Variants in CCDC106 observed in about 807,000 individuals in gnomAD.
CCDC106 encodes the protein coiled-coil domain containing 106.
Under a neutral mutation model 24.7 loss-of-function variants are expected in CCDC106, and 17 were observed. The observed-to-expected ratio is 0.69, with a 90% CI of 0.47 to 1.03. CCDC106 has a LOEUF of 1.03. CCDC106 is among the 50% of genes least tolerant of loss of function. The probability of loss-of-function intolerance (pLI) is 0.00; values close to 1 mark genes in which losing one functional copy is unlikely to be tolerated. For missense variants in CCDC106, 337 were observed against 388.9 expected (o/e 0.87, Z 1.12); for synonymous variants, 211 against 161.3 (o/e 1.31, Z -2.34).
At chr19:55,649,994 C>T (rs1983134122) in intron 3 of CCDC106, among the ~76,000 whole-genome samples, 2 of 152,290 alleles carry the variant, frequency 1.3e-5, no homozygotes, top group Admixed American at 6.5e-5. Flanking sequence ...GGCCCCTGCT[C>T]CTCCTCCCGT....
Position 55,652,467 on chromosome 19 carries a change from G to A in CCDC106, c.564G>A (p.Lys188=). The A allele has an allele frequency of 6.2e-7, 1 of 1,609,534 alleles. No individual in the cohort carries two copies. The highest frequency in any genetic ancestry group is 8.5e-7 in the Non-Finnish European group (1 of 1,177,122). The change falls in exon 5 of 5, where the codon AAG becomes AAA. Residue 188 remains lysine, a synonymous_variant. Coordinates refer to ENST00000586790, the MANE Select transcript of CCDC106 (RefSeq NM_001370470.1). This position sits in a 1 kb window ranked among gnomAD's most constrained non-coding sequence, Gnocchi z 5.9. ...ACGGGGTCCTCTGCCGGTACAAGAAGATCCTGGGCACCTTCCAGAAGCTCA... is the reference window on the plus strand; with the variant it reads ...ACGGGGTCCTCTGCCGGTACAAGAAAATCCTGGGCACCTTCCAGAAGCTCA... ...DADGVLCRYK[K]ILGTFQKLKS...
intron 3 of CCDC106, 39 bp downstream of exon 3, chr19:55,649,623 C>T (rs930695142): frequency 3.2e-6 from 5 of 1,579,236 alleles, no homozygotes; most frequent in African/African-American, 2.7e-5. Context: ...CCTCCCTGTC[C>T]CGCTACTGGG....
rs2123657221 is a variant in CCDC106, at chr19:55,652,972, C to T, written c.*226C>T. Reference sequence around the variant, plus strand: ...TGCCCAGCCCTGTCCTCGCCGGGCCCCTTCCTCCTGGAAAACCAGGCAGGC... The same window carrying T: ...TGCCCAGCCCTGTCCTCGCCGGGCCTCTTCCTCCTGGAAAACCAGGCAGGC... On this transcript the variant is annotated 3_prime_UTR_variant, in exon 5 of 5. Coordinates refer to ENST00000586790, the MANE Select transcript of CCDC106 (RefSeq NM_001370470.1). The surrounding 1 kb of genome is among the most constrained non-coding windows in gnomAD (Gnocchi z 5.9). The T allele has an allele frequency of 1.1e-5, 6 of 527,722 alleles. No individual in the cohort carries two copies. Among genetic ancestry groups the T allele is most frequent in the East Asian group, 3.3e-5 (1 of 30,072 alleles). The allele number at this position is 527,722 out of a possible 1,614,324, so 32.7% of individuals were successfully genotyped here.
Position 55,652,770 on chromosome 19 carries a change from A to C in CCDC106, c.*24A>C. 1.3e-6 allele frequency: 2 copies of C among 1,576,422 alleles called. No individual in the cohort carries two copies. Among genetic ancestry groups the C allele is most frequent in the Non-Finnish European group, 8.6e-7 (1 of 1,159,190 alleles). ...GATCGCACCACGCCTCCGCGCCTCC[A>C]CCCGGGCCTTCCTCCCCCGTGGACC... On this transcript the variant is annotated 3_prime_UTR_variant, in exon 5 of 5. Coordinates refer to ENST00000586790, the MANE Select transcript of CCDC106 (RefSeq NM_001370470.1). The surrounding 1 kb of genome is among the most constrained non-coding windows in gnomAD (Gnocchi z 5.9).
In CCDC106 at chr19:55,652,114, G is replaced by A. The variant is rs1273356158; in HGVS notation, c.527-316G>A. Reference sequence around the variant, plus strand: ...AATAAGTGAATTCACCTGAGGCAGGGAGACGAGGGTGATGGCTCGGGGTGT... The same window carrying A: ...AATAAGTGAATTCACCTGAGGCAGGAAGACGAGGGTGATGGCTCGGGGTGT... On this transcript the variant is annotated intron_variant, in intron 4 of 4. Transcript: ENST00000586790. This position sits in a 1 kb window ranked among gnomAD's most constrained non-coding sequence, Gnocchi z 5.9. 2.0e-5 allele frequency among the ~76,000 whole-genome samples: 3 copies of A among 152,092 alleles called. No individual in the cohort carries two copies. The highest frequency in any genetic ancestry group is 4.4e-5 in the Non-Finnish European group (3 of 68,006).
Position 55,652,687 on chromosome 19 carries a change from G to C in CCDC106, c.784G>C (p.Val262Leu). Residue 262 changes from valine (V) to leucine (L), a missense_variant, in exon 5 of 5, where the codon GTG (valine) becomes CTG (leucine). Physicochemically the swap from Val to Leu is conservative, Grantham distance 32. Transcript: ENST00000586790. This position sits in a 1 kb window ranked among gnomAD's most constrained non-coding sequence, Gnocchi z 5.9. ...CCTGGACGACGAGACGCTCAAGAAG[G>C]TGCAGGCGCTCAAGAAGAGCAAGCT... ...LALDDETLKK[V>L]QALKKSKLLL... 2 of 1,612,968 alleles carry C rather than the reference G, an allele frequency of 1.2e-6. No individual in the cohort carries two copies. Among genetic ancestry groups the C allele is most frequent in the Non-Finnish European group, 1.7e-6 (2 of 1,179,904 alleles).
chr19:55,652,944 G>A lies in CCDC106; in HGVS notation c.*198G>A, dbSNP rs1983435076. The A allele has an allele frequency of 1.7e-6, 1 of 575,436 alleles. No homozygotes were observed. The highest frequency in any genetic ancestry group is 1.9e-5 in the African/African-American group (1 of 52,022). The allele number at this position is 575,436 out of a possible 1,614,324, so 35.6% of individuals were successfully genotyped here. A position where few individuals can be genotyped will look rare whatever the true frequency, so the allele number is the denominator to read the frequency against. On this transcript the variant is annotated 3_prime_UTR_variant, in exon 5 of 5. Coordinates refer to ENST00000586790, the MANE Select transcript of CCDC106 (RefSeq NM_001370470.1). The surrounding 1 kb of genome is among the most constrained non-coding windows in gnomAD (Gnocchi z 5.9). ...GAACGCCGGCACCCCCTTCCGCTTG[G>A]GCTGCCCAGCCCTGTCCTCGCCGGG...
intron 4 of CCDC106, 148 bp downstream of exon 4, chr19:55,651,643 G>A (rs750252805): frequency 1.6e-6 from 1 of 611,220 alleles, no homozygotes; most frequent in Non-Finnish European, 2.9e-6. Context: ...CTCCACGTGT[G>A]GTCCTGGGTT....
chr19:55,650,053 T>TCC (rs145611277), intron 3 of CCDC106, among the ~76,000 whole-genome samples: 1 of 151,690 alleles, frequency 6.6e-6, no homozygotes, highest in African/African-American at 2.4e-5. Flanking sequence ...CCTCCTCCTG[T>TCC]CCCCCCCTCC....
rs866840675 is a variant in CCDC106, at chr19:55,652,595, C to T, written c.692C>T (p.Ala231Val). The T allele has an allele frequency of 6.2e-7, 1 of 1,613,258 alleles. No homozygotes were observed. Among genetic ancestry groups the T allele is most frequent in the Non-Finnish European group, 8.5e-7 (1 of 1,179,896 alleles). Residue 231 changes from alanine (A) to valine (V), a missense_variant, in exon 5 of 5, where the codon GCC (alanine) becomes GTC (valine). Ala to Val is a moderately conservative substitution (Grantham distance 64, BLOSUM62 0). Around this residue, in one of 2 missense-constraint regions of CCDC106, gnomAD observed 103 missense variants for 152.4 expected, o/e 0.68. Coordinates refer to ENST00000586790, the MANE Select transcript of CCDC106 (RefSeq NM_001370470.1). This position sits in a 1 kb window ranked among gnomAD's most constrained non-coding sequence, Gnocchi z 5.9. ...ELLIVAPEKL[A>V]EVGEFDPSKE... The stretch of plus-strand genomic sequence containing the variant: ...CTCATTGTGGCCCCCGAGAAGCTGG[C>T]CGAGGTGGGCGAGTTCGACCCCTCC...
Position 55,649,451 on chromosome 19 carries a change from C to G in CCDC106, c.180C>G (p.Ser60Arg), listed in dbSNP as rs369352697. 1.2e-6 allele frequency: 2 copies of G among 1,614,090 alleles called. No individual in the cohort carries two copies. The highest frequency in any genetic ancestry group is 1.7e-6 in the Non-Finnish European group (2 of 1,179,980). ...CCTCCGCCCTGGCTCTGATGAACAG[C>G]GTCAAGACCCAGCTGCACATGGCTC... is the stretch of plus-strand genomic sequence containing the variant. ...AASSALALMN[S>R]VKTQLHMALE... Residue 60 changes from serine to arginine, a missense_variant, in exon 3 of 5, where the codon AGC becomes AGG. Physicochemically the swap from Ser to Arg is moderately radical, Grantham distance 110. This residue lies in a region of CCDC106 where 234 missense variants were observed against 236.5 expected (regional missense o/e 0.99). Coordinates refer to ENST00000586790, the MANE Select transcript of CCDC106 (RefSeq NM_001370470.1).
chr19:55,650,058 C>T (rs1983140170), intron 3 of CCDC106, among the ~76,000 whole-genome samples: 1 of 152,176 alleles, frequency 6.6e-6, no homozygotes, highest in African/African-American at 2.4e-5. Context: ...TCCTGTCCCC[C>T]CCTCCCCTCT....
Position 55,648,871 on chromosome 19 carries a change from G to A in CCDC106, c.-176G>A, listed in dbSNP as rs1432055712. Reference sequence around the variant, plus strand: ...CAGGCGCGTTTTGCCTCAGTCCTGGGGTCCAGGCTCCCTCCTCCCTCAGAC... The same window carrying A: ...CAGGCGCGTTTTGCCTCAGTCCTGGAGTCCAGGCTCCCTCCTCCCTCAGAC... On this transcript the variant is annotated 5_prime_UTR_variant, in exon 1 of 5. Transcript: ENST00000586790. The A allele has an allele frequency of 4.2e-6, 3 of 706,344 alleles. No homozygotes were observed. The highest frequency in any genetic ancestry group is 4.9e-5 in the East Asian group (2 of 40,536). 43.8% of individuals were successfully genotyped at this position (706,344 alleles called of 1,614,324 possible). A position where few individuals can be genotyped will look rare whatever the true frequency, so the allele number is the denominator to read the frequency against.
rs149619834 is a variant in CCDC106, at chr19:55,649,321, G to A, written c.136+12G>A. The A allele has an allele frequency of 1.9e-6, 3 of 1,612,760 alleles. No homozygotes were observed. Among genetic ancestry groups the A allele is most frequent in the Admixed American group, 1.7e-5 (1 of 60,024 alleles). On this transcript the variant is annotated intron_variant, in intron 2 of 4. Transcript: ENST00000586790. ...GAGAAACTTCGAGGGTGAGCTGAGG[G>A]GGTGTGGAGGGACTGGAGTCAGCTG...
rs148442107 is a variant in CCDC106, at chr19:55,651,488, G to A, written c.519G>A (p.Arg173=). 108 of 1,570,568 alleles carry A rather than the reference G, an allele frequency of 6.9e-5. 1 individual carries two copies. The African/African-American group carries it at 1.4e-3, about 20-fold the overall frequency. The change falls in exon 4 of 5, where the codon AGG becomes AGA. Residue 173 remains arginine (R), a synonymous_variant. Coordinates refer to ENST00000586790, the MANE Select transcript of CCDC106 (RefSeq NM_001370470.1). ...TTGGGAAGCCCAAGGCCCGGGAGAG[G>A]CAGCGAGGTGAGTGGGGTGCATGGG... is the stretch of plus-strand genomic sequence containing the variant. The part of the protein sequence containing the change: ...RRFGKPKARE[R]QRVKDADGVL...
Position 55,648,969 on chromosome 19 carries a change from G to A in CCDC106, c.-78G>A, listed in dbSNP as rs376125464. On this transcript the variant is annotated 5_prime_UTR_variant, in exon 1 of 5. Transcript: ENST00000586790. ...AGGATGGACCCTCCAGTCCATCTGC[G>A]TCTCTCCATTTGTGGCTGCCGTTTC... 1.5e-4 allele frequency: 215 copies of A among 1,416,246 alleles called. No individual in the cohort carries two copies. The African/African-American group carries it at 2.7e-3, about 18-fold the overall frequency. 87.7% of individuals were successfully genotyped at this position (1,416,246 alleles called of 1,614,324 possible).
chr19:55,649,065 C>A lies in CCDC106; in HGVS notation c.19C>A (p.Arg7=). MNDRSS[R]RRTMKDDETF... Reference sequence around the variant, plus strand: ...CCGCGCCATGAATGACCGGAGCAGTCGGAGGCGGACAAGTGAGGAAGCTGG... The same window carrying A: ...CCGCGCCATGAATGACCGGAGCAGTAGGAGGCGGACAAGTGAGGAAGCTGG... The change falls in exon 1 of 5, where the codon CGG becomes AGG. Residue 7 remains arginine (R), a synonymous_variant. Coordinates refer to ENST00000586790, the MANE Select transcript of CCDC106 (RefSeq NM_001370470.1). 1.2e-6 allele frequency: 2 copies of A among 1,613,800 alleles called. No homozygotes were observed. The highest frequency in any genetic ancestry group is 1.7e-5 in the Admixed American group (1 of 60,022).
At chr19:55,650,569 C>A (rs899770635) in intron 3 of CCDC106, among the ~76,000 whole-genome samples, 2 of 152,210 alleles carry the variant, frequency 1.3e-5, no homozygotes, top group Admixed American at 1.3e-4. Context: ...GGGCTATGGT[C>A]TTGTGGTGTC....
chr19:55,652,254 G>C lies in CCDC106; in HGVS notation c.527-176G>C, dbSNP rs1983349752. 6.6e-6 allele frequency among the ~76,000 whole-genome samples: 1 copy of C among 151,902 alleles called. No homozygotes were observed. The highest frequency in any genetic ancestry group is 1.5e-5 in the Non-Finnish European group (1 of 67,956). Reference sequence around the variant, plus strand: ...TCCCACTGGTCCAAGATCTGGCTGCGATTCTTCCCCTCCTCTCTGCCCCTT... The same window carrying C: ...TCCCACTGGTCCAAGATCTGGCTGCCATTCTTCCCCTCCTCTCTGCCCCTT... On this transcript the variant is annotated intron_variant, in intron 4 of 4. Transcript: ENST00000586790. The surrounding 1 kb of genome is among the most constrained non-coding windows in gnomAD (Gnocchi z 5.9).
Sources: gnomAD v4.1 joint callset for allele counts (sites outside exome capture counted in the v4.1 genomes callset) on GRCh38, gnomAD v4.1.1 for gene constraint, gnomAD v4.1.1 regional missense constraint, Gnocchi (gnomAD v3.1) non-coding constraint, MANE v1.5 for transcripts, NCBI Gene and HGNC (gene_info 2026-07-23, HGNC 2026-07-21) for gene names.